FGF14: variants seen among roughly 807,000 people sequenced by gnomAD.
FGF14 encodes the protein fibroblast growth factor 14, also known as fibroblast growth factor homologous factor 4.
A neutral mutation model predicts 25.5 loss-of-function variants in FGF14; 5 were observed. That is an observed-to-expected ratio of 0.20 (90% CI 0.10 to 0.41). The LOEUF is 0.41. Ranked by LOEUF, FGF14 falls within the 10% of genes least tolerant of loss-of-function variation. The pLI, the probability that FGF14 is intolerant of heterozygous loss-of-function variation, is 1.00. For missense variants in FGF14, 222 were observed against 320.1 expected (o/e 0.69, Z 2.34); for synonymous variants, 138 against 118.3 (o/e 1.17, Z -1.08).
chr13:102,267,882 T>C, intron 1 of FGF14, among the ~76,000 whole-genome samples: 1 of 152,106 alleles, frequency 6.6e-6, no homozygotes, highest in Non-Finnish European at 1.5e-5. Context: ...AAATGTATTA[T>C]CTAAGGATAT....
At chr13:101,912,316 A>C (rs2033028554) in intron 1 of FGF14, among the ~76,000 whole-genome samples, 1 of 152,196 alleles carries the variant, frequency 6.6e-6, no homozygotes, top group African/African-American at 2.4e-5. Context: ...CATGGCACAT[A>C]ATACCATAGC....
chr13:102,238,062 C>T (rs773159533), intron 1 of FGF14, among the ~76,000 whole-genome samples: 2 of 152,074 alleles, frequency 1.3e-5, no homozygotes, highest in African/African-American at 2.4e-5. Context: ...TCATGGGCAA[C>T]GTTTTCTTTA....
intron 4 of FGF14, among the ~76,000 whole-genome samples, chr13:101,725,768 A>C (rs1314547451): frequency 6.6e-6 from 1 of 152,102 alleles, no homozygotes; most frequent in African/African-American, 2.4e-5. Flanking sequence ...AGTAAACAAA[A>C]GAACTTGAAT....
intron 1 of FGF14, among the ~76,000 whole-genome samples, chr13:102,158,241 T>C (rs1436427572): frequency 1.3e-5 from 2 of 152,138 alleles, no homozygotes; most frequent in Non-Finnish European, 1.5e-5. Context: ...TGCGGCACTA[T>C]TCACAATAGC....
chr13:102,008,983 T>C (rs889633924), intron 1 of FGF14, among the ~76,000 whole-genome samples: 3 of 152,146 alleles, frequency 2.0e-5, no homozygotes, highest in African/African-American at 4.8e-5. Flanking sequence ...TATTAAAAAA[T>C]GTAGGTCAAC....
intron 1 of FGF14, among the ~76,000 whole-genome samples, chr13:101,942,019 A>G (rs2035486818): frequency 6.6e-6 from 1 of 152,218 alleles, no homozygotes; most frequent in Non-Finnish European, 1.5e-5. Context: ...TTGTTTTCTT[A>G]GGTTTAGAGA....
At chr13:101,760,321 T>A (rs2037935482) in intron 3 of FGF14, among the ~76,000 whole-genome samples, 1 of 152,184 alleles carries the variant, frequency 6.6e-6, no homozygotes, top group Non-Finnish European at 1.5e-5. Flanking sequence ...TTTCACCCTC[T>A]ATTAAAAAGG....
intron 1 of FGF14, among the ~76,000 whole-genome samples, chr13:102,080,038 G>A (rs1232987089): frequency 6.6e-6 from 1 of 152,092 alleles, no homozygotes; most frequent in Non-Finnish European, 1.5e-5. Flanking sequence ...GACGCACCGG[G>A]CAAGGATGGG....
intron 3 of FGF14, among the ~76,000 whole-genome samples, chr13:101,827,936 A>AG (rs1270367369): frequency 1.5e-5 from 2 of 130,562 alleles, no homozygotes; most frequent in African/African-American, 5.2e-5. Context: ...AAAAAAAAAA[A>AG]AAAGAAAGAA....
chr13:102,128,107 C>G (rs7321699), intron 1 of FGF14, among the ~76,000 whole-genome samples: 2,094 of 152,250 alleles, frequency 0.014, 46 homozygotes, highest in African/African-American at 0.048. Flanking sequence ...GATATCCAAT[C>G]CTGACTACAC....
chr13:102,178,087 C>T (rs1052445886), intron 1 of FGF14, among the ~76,000 whole-genome samples: 13 of 152,054 alleles, frequency 8.5e-5, no homozygotes, highest in African/African-American at 3.1e-4. Context: ...ATAGCACTAA[C>T]GTCTCTTCGA....
chr13:101,878,516 T>C (rs1034343307), intron 1 of FGF14, among the ~76,000 whole-genome samples: 1 of 152,154 alleles, frequency 6.6e-6, no homozygotes, highest in African/African-American at 2.4e-5. Flanking sequence ...TAGAATAGTT[T>C]AGGGGGAAAA....
intron 3 of FGF14, among the ~76,000 whole-genome samples, chr13:101,777,693 A>T (rs2039213895): frequency 6.6e-6 from 1 of 152,194 alleles, no homozygotes; most frequent in Non-Finnish European, 1.5e-5. Context: ...AAGGTTAGAG[A>T]GAGATTTTAA....
chr13:101,978,305 T>C (rs571142666), intron 1 of FGF14, among the ~76,000 whole-genome samples: 10 of 152,240 alleles, frequency 6.6e-5, no homozygotes, highest in Non-Finnish European at 1.5e-4. Context: ...ATATTTGATG[T>C]GGCATTTTCT....
chr13:102,185,163 A>G (rs2048828770), intron 1 of FGF14, among the ~76,000 whole-genome samples: 1 of 152,152 alleles, frequency 6.6e-6, no homozygotes, highest in South Asian at 2.1e-4. Flanking sequence ...ATATTTTTCC[A>G]AATTCTCTAC....
At position 101,839,338 on chromosome 13, in the gene FGF14, T is replaced by C. The variant is rs147077209; in HGVS notation, c.408+29387A>G. Among the ~76,000 whole-genome samples the C allele has an allele frequency of 6.6e-5, 10 of 152,142 alleles. No homozygotes were observed. In the East Asian group the frequency reaches 1.9e-3, roughly 30 times the overall value. ...ACAAATGTGATCCTGAGAAAAGTCT[T>C]GGATTTTAACTTTAAGGAAAAATAG... On this transcript the variant is annotated intron_variant, in intron 3 of 4. Coordinates refer to ENST00000376143, the MANE Select transcript of FGF14 (RefSeq NM_004115.4).
chr13:102,355,308 C>G (rs899422214), intron 1 of FGF14, among the ~76,000 whole-genome samples: 2 of 152,072 alleles, frequency 1.3e-5, no homozygotes, highest in African/African-American at 4.8e-5. Flanking sequence ...GAAATTTGCA[C>G]AACCATTATA....
At chr13:101,987,146 G>A (rs993015949) in intron 1 of FGF14, among the ~76,000 whole-genome samples, 10 of 151,902 alleles carry the variant, frequency 6.6e-5, no homozygotes, top group African/African-American at 2.4e-4. Flanking sequence ...TCTCTACTTA[G>A]TATCTTCTTT....
At chr13:101,866,484 A>G (rs908833944) in intron 3 of FGF14, among the ~76,000 whole-genome samples, 5 of 152,134 alleles carry the variant, frequency 3.3e-5, no homozygotes, top group African/African-American at 1.2e-4. Context: ...ATATTTGCTT[A>G]TAAAAGGTTA....
Sources: allele counts gnomAD v4.1 joint callset (sites outside exome capture counted in the v4.1 genomes callset), GRCh38; gene constraint gnomAD v4.1.1; transcripts MANE v1.5; gene names NCBI Gene and HGNC (gene_info 2026-07-23, HGNC 2026-07-21).